The following LCLAT1 variants were observed in gnomAD, a reference collection of about 807,000 sequenced individuals.
LCLAT1 encodes the protein 1-AGP acyltransferase 8.
LCLAT1 carries 11 observed loss-of-function variants against 30.7 expected under a neutral mutation model. The observed-to-expected ratio is 0.36, with a 90% CI of 0.23 to 0.59. The LOEUF (loss-of-function observed/expected upper bound fraction) is 0.59, where lower values mean the gene tolerates loss of function less well. Ranked by LOEUF, LCLAT1 falls within the 20% of genes least tolerant of loss-of-function variation. LCLAT1 has a pLI of 0.77. For missense variants in LCLAT1, 402 were observed against 458.6 expected, an observed-to-expected ratio of 0.88 and a Z score of 1.13; for synonymous variants, 155 against 151.3, an observed-to-expected ratio of 1.02 and a Z score of -0.18.
intron 3 of LCLAT1, among the ~76,000 whole-genome samples, chr2:30,553,146 T>C (rs553148343): frequency 6.6e-6 from 1 of 152,264 alleles, no homozygotes; most frequent in African/African-American, 2.4e-5. Context: ...TATATTCATC[T>C]ACACTGAAAT....
rs187885341 is a variant in LCLAT1 at position 30,533,628 on chromosome 2, C to T, written c.364+314C>T. On this transcript the variant is annotated intron_variant, in intron 3 of 5. Coordinates refer to ENST00000379509, the MANE Select transcript of LCLAT1 (RefSeq NM_001002257.3). ...TTATTGCAGGTAGTACTTGTGATTT[C>T]GGCCAGAAACTGGTCTGTGCTGATA... is the stretch of plus-strand genomic sequence containing the variant. Among the ~76,000 whole-genome samples, 13 of 152,266 alleles carry T rather than the reference C, an allele frequency of 8.5e-5. No individual in the cohort carries two copies. The East Asian group carries it at 2.3e-3, about 27-fold the overall frequency.
At chr2:30,578,462 G>A (rs1277991814) in intron 5 of LCLAT1, among the ~76,000 whole-genome samples, 1 of 152,082 alleles carries the variant, frequency 6.6e-6, no homozygotes, top group Non-Finnish European at 1.5e-5. Flanking sequence ...CCTTAGCACT[G>A]ATCTCCTTAG....
chr2:30,517,211 C>T (rs1277235939), intron 1 of LCLAT1, among the ~76,000 whole-genome samples: 3 of 152,210 alleles, frequency 2.0e-5, no homozygotes, highest in Admixed American at 6.5e-5. Context: ...CAGACTTTCA[C>T]TCCCTCTCCC....
chr2:30,478,525 ACTT>A (rs920206843), intron 1 of LCLAT1, among the ~76,000 whole-genome samples: 1 of 152,174 alleles, frequency 6.6e-6, no homozygotes, highest in Non-Finnish European at 1.5e-5. Flanking sequence ...AAAATAAGTT[ACTT>A]CTTAGCTGAG....
intron 5 of LCLAT1, among the ~76,000 whole-genome samples, chr2:30,624,345 C>G (rs1209381119): frequency 6.6e-6 from 1 of 152,114 alleles, no homozygotes; most frequent in Non-Finnish European, 1.5e-5. Context: ...AACAATTCAC[C>G]AACCAAGTAT....
intron 1 of LCLAT1, among the ~76,000 whole-genome samples, chr2:30,493,609 A>G (rs1683943351): frequency 6.6e-6 from 1 of 152,104 alleles, no homozygotes; most frequent in Non-Finnish European, 1.5e-5. Flanking sequence ...GTAACCCCCA[A>G]CTGTAGTCAA....
rs558951515 is a variant in LCLAT1 at position 30,583,597 on chromosome 2, C to T, written c.628+15421C>T. On this transcript the variant is annotated intron_variant, in intron 5 of 5. Transcript: ENST00000379509. Reference sequence around the variant, plus strand: ...AAGGGTGGTTGGAAAAGATAAAACCCTTAGCTTCCAGGTCCATCTGCTGAA... The same window carrying T: ...AAGGGTGGTTGGAAAAGATAAAACCTTTAGCTTCCAGGTCCATCTGCTGAA... 6.6e-5 allele frequency among the ~76,000 whole-genome samples: 10 copies of T among 152,230 alleles called. No individual in the cohort carries two copies. The South Asian group carries it at 1.0e-3, about 16-fold the overall frequency.
chr2:30,514,053 C>G (rs542021188), intron 1 of LCLAT1, among the ~76,000 whole-genome samples: 3 of 152,214 alleles, frequency 2.0e-5, no homozygotes, highest in Non-Finnish European at 4.4e-5. Flanking sequence ...GGGCTCACAA[C>G]TGCATTTTCT....
intron 5 of LCLAT1, among the ~76,000 whole-genome samples, chr2:30,622,143 T>C (rs2148517464): frequency 6.6e-6 from 1 of 152,098 alleles, no homozygotes; most frequent in South Asian, 2.1e-4. Flanking sequence ...CCTGTCACTG[T>C]TCCCTGGCGA....
Position 30,643,685 on chromosome 2 carries a change from A to G in LCLAT1, c.*3066A>G, listed in dbSNP as rs1373831904. 2.0e-5 allele frequency: 3 copies of G among 152,636 alleles called. No homozygotes were observed. Among genetic ancestry groups the G allele is most frequent in the African/African-American group, 7.2e-5 (3 of 41,442 alleles). The allele number at this position is 152,636 out of a possible 1,614,324, so 9.5% of individuals were successfully genotyped here. On this transcript the variant is annotated 3_prime_UTR_variant, in exon 6 of 6. Transcript: ENST00000379509. ...TATGATGCCCCTGTGTGCATTTACA[A>G]TAAAGACTCCAACGGAGGGAGCCTG...
Position 30,635,259 on chromosome 2 carries a change from T to TAA in LCLAT1, c.629-4855_629-4854dup, listed in dbSNP as rs1558571085. ...ATATATACACAAATATATATATATA[T>TAA]AAAATAAAAGTATCAAGATAGTCAA... On this transcript the variant is annotated intron_variant, in intron 5 of 5. Transcript: ENST00000379509. Among the ~76,000 whole-genome samples, 7 of 149,846 alleles carry TAA rather than the reference T, an allele frequency of 4.7e-5. No homozygotes were observed. The South Asian group carries it at 1.3e-3, about 27-fold the overall frequency.
intron 1 of LCLAT1, among the ~76,000 whole-genome samples, chr2:30,477,385 C>G (rs1048950196): frequency 2.6e-5 from 4 of 152,068 alleles, no homozygotes; most frequent in African/African-American, 9.7e-5. Flanking sequence ...CATCTTCGGT[C>G]TAATTACTGG....
In LCLAT1 at chr2:30,517,832, G is replaced by A. The variant is rs189208726; in HGVS notation, c.-4-7755G>A. Among the ~76,000 whole-genome samples the A allele has an allele frequency of 2.4e-3, 372 of 152,228 alleles. 2 individuals carry two copies. The highest frequency in any genetic ancestry group is 3.1e-3 in the Non-Finnish European group (213 of 68,018). On this transcript the variant is annotated intron_variant, in intron 1 of 5. Transcript: ENST00000379509. Reference sequence around the variant, plus strand: ...GTACCCTATTCCTTTAAAAGCCAGGGTAAATTTAAAACCTATAATTGATAA... The same window carrying A: ...GTACCCTATTCCTTTAAAAGCCAGGATAAATTTAAAACCTATAATTGATAA...
chr2:30,590,822 C>T (rs1036567597), intron 5 of LCLAT1, among the ~76,000 whole-genome samples: 3 of 151,848 alleles, frequency 2.0e-5, no homozygotes, highest in Non-Finnish European at 2.9e-5. Context: ...AGTTCAAAGG[C>T]GTTAAATATC....
chr2:30,630,102 T>C (rs1356005819), intron 5 of LCLAT1, among the ~76,000 whole-genome samples: 1 of 152,184 alleles, frequency 6.6e-6, no homozygotes, highest in Non-Finnish European at 1.5e-5. Context: ...CAGCTTTTCC[T>C]GAAGCCTCTC....
At chr2:30,622,196 A>G (rs1209713048) in intron 5 of LCLAT1, among the ~76,000 whole-genome samples, 3 of 152,126 alleles carry the variant, frequency 2.0e-5, no homozygotes, top group Admixed American at 6.5e-5. Context: ...ACCTGAGAAC[A>G]TAAGTCCATT....
At chr2:30,600,149 TTTTA>T in intron 5 of LCLAT1, among the ~76,000 whole-genome samples, 1 of 152,158 alleles carries the variant, frequency 6.6e-6, no homozygotes, top group Non-Finnish European at 1.5e-5. Context: ...CTGTAAAGGA[TTTTA>T]TTTCTCCTTT....
At chr2:30,457,813 G>A (rs1026962456) in intron 1 of LCLAT1, among the ~76,000 whole-genome samples, 3 of 152,160 alleles carry the variant, frequency 2.0e-5, no homozygotes, top group East Asian at 1.9e-4. Flanking sequence ...TTACTGTTGC[G>A]ATTTGGGTCA....
chr2:30,531,079 C>T (rs1209106509), intron 2 of LCLAT1, among the ~76,000 whole-genome samples: 3 of 152,040 alleles, frequency 2.0e-5, no homozygotes, highest in Non-Finnish European at 2.9e-5. Context: ...GCCTGGCCAA[C>T]GTGGTGAAAT....
Sources: allele counts gnomAD v4.1 joint callset (sites outside exome capture counted in the v4.1 genomes callset), GRCh38; gene constraint gnomAD v4.1.1; transcripts MANE v1.5; gene names NCBI Gene and HGNC (gene_info 2026-07-23, HGNC 2026-07-21).